Variants in SLX9 observed in about 807,000 individuals in gnomAD.
SLX9 encodes SLX9 ribosome biogenesis factor.
A neutral mutation model predicts 20.8 loss-of-function variants in SLX9; 19 were observed. The ratio of observed to expected loss-of-function variants is 0.91; its 90% CI spans 0.64 to 1.34. The LOEUF (loss-of-function observed/expected upper bound fraction) is 1.34, where lower values mean the gene tolerates loss of function less well. Ranked by LOEUF, SLX9 falls within the 40% of genes most tolerant of loss-of-function variation. The pLI is 0.00. For missense variants in SLX9, 299 were observed against 322.2 expected (o/e 0.93, Z 0.55); for synonymous variants, 113 against 137.1 (o/e 0.82, Z 1.23).
chr21:44,965,859 C>T (rs568513495), intron 3 of SLX9, among the ~76,000 whole-genome samples: 2 of 152,282 alleles, frequency 1.3e-5, no homozygotes, highest in East Asian at 3.9e-4. Context: ...CCCTCCCTAC[C>T]CCAGCTTCCA....
At chr21:44,973,023 C>CCGGGGCGGTCACAGGACGGT (rs1568947742) in intron 4 of SLX9, 174 bp from the exon 5 acceptor site, 7 of 717,590 alleles carry the variant, frequency 9.8e-6, no homozygotes, top group African/African-American at 1.8e-5. Context: ...CACTGCTTGT[C>CCGGGGCGGTCACAGGACGGT]CAGGTCTCGC....
intron 3 of SLX9, among the ~76,000 whole-genome samples, chr21:44,964,900 A>G (rs2085007237): frequency 6.6e-6 from 1 of 152,122 alleles, no homozygotes; most frequent in Admixed American, 6.5e-5. Flanking sequence ...ACAGTGTGAG[A>G]GGGACTCTGA....
At chr21:44,966,490 C>T (rs1435810230) in intron 3 of SLX9, among the ~76,000 whole-genome samples, 1 of 152,166 alleles carries the variant, frequency 6.6e-6, no homozygotes, top group Non-Finnish European at 1.5e-5. Flanking sequence ...AATCCCAAGG[C>T]CATACCCCTT....
At chr21:44,955,886 T>C (rs1303060039) in intron 2 of SLX9, among the ~76,000 whole-genome samples, 2 of 152,220 alleles carry the variant, frequency 1.3e-5, no homozygotes, top group Admixed American at 1.3e-4. Flanking sequence ...CTGATGAACG[T>C]CTGATACTTC....
At chr21:44,941,017 C>CCTTTTGAAG (rs1555869890) in intron 1 of SLX9, among the ~76,000 whole-genome samples, 1 of 151,900 alleles carries the variant, frequency 6.6e-6, no homozygotes, top group Non-Finnish European at 1.5e-5. Flanking sequence ...TGCTTTTGAA[C>CCTTTTGAAG]CTTTCCAGTG....
intron 4 of SLX9, 138 bp downstream of exon 4, chr21:44,967,319 C>A: frequency 1.6e-6 from 2 of 1,270,172 alleles, no homozygotes; most frequent in African/African-American, 1.5e-5. Flanking sequence ...CCAGCCGGTG[C>A]TCCGCACAGG....
At chr21:44,971,140 C>CACCTCCT (rs1305213561) in intron 4 of SLX9, among the ~76,000 whole-genome samples, 9 of 152,038 alleles carry the variant, frequency 5.9e-5, no homozygotes, top group South Asian at 2.1e-4. Flanking sequence ...TGTGGACCTC[C>CACCTCCT]GCCTCCTGTG....
At chr21:44,953,510 C>T (rs1285015801) in intron 2 of SLX9, among the ~76,000 whole-genome samples, 1 of 151,950 alleles carries the variant, frequency 6.6e-6, no homozygotes, top group African/African-American at 2.4e-5. Context: ...CGGTGGGGCC[C>T]TGCATCCGGG....
chr21:44,945,414 G>C (rs1425690620), intron 2 of SLX9, among the ~76,000 whole-genome samples: 1 of 152,226 alleles, frequency 6.6e-6, no homozygotes, highest in African/African-American at 2.4e-5. Context: ...GCTCTGGCCT[G>C]AGCTTCTCAG....
rs560787758 is a variant in SLX9, at chr21:44,970,175, C to G, written c.500+2994C>G. Among the ~76,000 whole-genome samples the G allele has an allele frequency of 7.2e-5, 11 of 152,326 alleles. No individual in the cohort carries two copies. The East Asian group carries it at 2.1e-3, about 29-fold the overall frequency. ...CCTCGGGGTGGGGGTTGTGCTCTAC[C>G]TCCTGGAAGACACAGCAGTGACAGA... is the stretch of plus-strand genomic sequence containing the variant. On this transcript the variant is annotated intron_variant, in intron 4 of 5. Coordinates refer to ENST00000291634, the MANE Select transcript of SLX9 (RefSeq NM_058190.4).
At chr21:44,959,704 C>A (rs1409187065) in intron 2 of SLX9, among the ~76,000 whole-genome samples, 1 of 152,358 alleles carries the variant, frequency 6.6e-6, no homozygotes, top group South Asian at 2.1e-4. Flanking sequence ...TTGGGGATGT[C>A]CCCCTAAGGG....
At chr21:44,966,883 C>A in intron 3 of SLX9, 151 bp from the exon 4 acceptor site, 1 of 966,646 alleles carries the variant, frequency 1.0e-6, no homozygotes, top group Non-Finnish European at 1.6e-6. Context: ...GCCCGCCCTG[C>A]AGGTTCCCAG....
rs111792642 is a variant in SLX9, at chr21:44,974,709, G to A, written c.569+1444G>A. Among the ~76,000 whole-genome samples, 1,415 of 152,252 alleles carry A rather than the reference G, an allele frequency of 9.3e-3. 22 individuals carry two copies. Among genetic ancestry groups the A allele is most frequent in the African/African-American group, 0.026 (1,084 of 41,542 alleles). ...GCCTCCTGAGGAGCAGGGTCTTCCC[G>A]TAGATCTTTGTGTTTGTCCTCTTTG... On this transcript the variant is annotated intron_variant, in intron 5 of 5. Coordinates refer to ENST00000291634, the MANE Select transcript of SLX9 (RefSeq NM_058190.4).
intron 3 of SLX9, among the ~76,000 whole-genome samples, chr21:44,966,559 C>T (rs1162033626): frequency 6.6e-6 from 1 of 152,232 alleles, no homozygotes; most frequent in Non-Finnish European, 1.5e-5. Flanking sequence ...CTACCTGCCA[C>T]CCCCCATGGC....
chr21:44,940,161 C>G lies in SLX9; in HGVS notation c.104C>G (p.Pro35Arg). 5.5e-6 allele frequency: 7 copies of G among 1,278,496 alleles called. No individual in the cohort carries two copies. Among genetic ancestry groups the G allele is most frequent in the Non-Finnish European group, 6.9e-6 (7 of 1,008,512 alleles). The allele number at this position is 1,278,496 out of a possible 1,614,324, so 79.2% of individuals were successfully genotyped here. Residue 35 changes from proline (P) to arginine (R), a missense_variant, in exon 1 of 6, where the codon CCT (proline) becomes CGT (arginine). By Grantham distance (103) the Pro-to-Arg change is moderately radical. Transcript: ENST00000291634. The part of the protein sequence containing the change: ...GPAPPAPEAT[P>R]PPASAAGKDW... ...GCGCCCCCTGCCCCGGAGGCGACCCCTCCGCCGGCCTCGGCCGCGGGGAAG... is the reference window on the plus strand; with the variant it reads ...GCGCCCCCTGCCCCGGAGGCGACCCGTCCGCCGGCCTCGGCCGCGGGGAAG...
At position 44,955,835 on chromosome 21, in the gene SLX9, AT is replaced by A. The variant is rs142435274; in HGVS notation, c.284-4262del. On this transcript the variant is annotated intron_variant, in intron 2 of 5. Coordinates refer to ENST00000291634, the MANE Select transcript of SLX9 (RefSeq NM_058190.4). ...CCATCCTTGAAAACGGAGTAAAGAC[AT>A]TTGTAGATCAAACCACAGCAGTGGA... Among the ~76,000 whole-genome samples the A allele has an allele frequency of 1.1e-3, 174 of 152,344 alleles. 4 individuals carry two copies. In the East Asian group the frequency reaches 0.032, roughly 28 times the overall value.
chr21:44,943,687 T>A lies in SLX9; in HGVS notation c.133T>A (p.Trp45Arg). 6.2e-7 allele frequency: 1 copy of A among 1,614,058 alleles called. No homozygotes were observed. Among genetic ancestry groups the A allele is most frequent in the East Asian group, 2.2e-5 (1 of 44,888 alleles). ...CCGTTTTTGTTGGGGACATTAGGAC[T>A]GGGCGTTCATCAACACCAACATCTT... ...PPPASAAGKD[W>R]AFINTNIFAR... Residue 45 changes from tryptophan (W) to arginine (R), a missense_variant, in exon 2 of 6, where the codon TGG becomes AGG. By Grantham distance (101) the Trp-to-Arg change is moderately radical. Coordinates refer to ENST00000291634, the MANE Select transcript of SLX9 (RefSeq NM_058190.4).
intron 4 of SLX9, among the ~76,000 whole-genome samples, chr21:44,969,837 C>T (rs10775679): frequency 0.55 from 83,726 of 152,148 alleles, 25,009 homozygotes; most frequent in South Asian, 0.78. Flanking sequence ...CAGGATCCCA[C>T]GTGACATTCA....
chr21:44,946,612 TGGAGGTTGTCCCTGAGGTGTGTTCCA>T (rs1319989849), intron 2 of SLX9, among the ~76,000 whole-genome samples: 1 of 152,212 alleles, frequency 6.6e-6, no homozygotes, highest in Non-Finnish European at 1.5e-5. Context: ...AATGGTGCCT[TGGAGGTTGTCCCTGAGGTGTGTTCCA>T]GGAGGCTGTC....
Sources: allele counts gnomAD v4.1 joint callset (sites outside exome capture counted in the v4.1 genomes callset), GRCh38; gene constraint gnomAD v4.1.1; transcripts MANE v1.5; gene names NCBI Gene and HGNC (gene_info 2026-07-23, HGNC 2026-07-21).